The following MANBAL variants were observed in gnomAD, a reference collection of about 807,000 sequenced individuals.
MANBAL encodes protein MANBAL.
Under a neutral mutation model 6.4 loss-of-function variants are expected in MANBAL, and 1 was observed. That is an observed-to-expected ratio of 0.16 (90% CI 0.06 to 0.74). The LOEUF (loss-of-function observed/expected upper bound fraction) is 0.74, where lower values mean the gene tolerates loss of function less well. MANBAL is among the 30% of genes least tolerant of loss of function. MANBAL has a pLI of 0.78. For missense variants in MANBAL, 100 were observed against 107.8 expected (o/e 0.93, Z 0.32); for synonymous variants, 47 against 45.8 (o/e 1.03, Z -0.10).
intron 1 of MANBAL, among the ~76,000 whole-genome samples, chr20:37,299,397 A>G (rs1047323081): frequency 6.6e-6 from 1 of 152,192 alleles, no homozygotes; most frequent in South Asian, 2.1e-4. Context: ...AATCAATATG[A>G]AAACATTATG....
intron 1 of MANBAL, among the ~76,000 whole-genome samples, chr20:37,294,120 A>G (rs1018328224): frequency 1.3e-5 from 2 of 152,224 alleles, no homozygotes; most frequent in Non-Finnish European, 2.9e-5. Context: ...TGCATACATT[A>G]AACTTTACTC....
chr20:37,312,684 G>A (rs967472494), intron 2 of MANBAL, among the ~76,000 whole-genome samples: 4 of 152,148 alleles, frequency 2.6e-5, no homozygotes, highest in African/African-American at 9.7e-5. Context: ...GCCCAGGCTG[G>A]AGTGTAGTAG....
rs1303997491 is a variant in MANBAL at position 37,317,197 on chromosome 20, C to A, written c.*782C>A. 6.5e-6 allele frequency: 1 copy of A among 152,688 alleles called. No individual in the cohort carries two copies. The highest frequency in any genetic ancestry group is 1.5e-5 in the Non-Finnish European group (1 of 68,088). The allele number at this position is 152,688 out of a possible 1,614,324, so 9.5% of individuals were successfully genotyped here. On this transcript the variant is annotated 3_prime_UTR_variant, in exon 3 of 3. Transcript: ENST00000373606. ...CCCCCATCCCTTCAATTCTTTCATTCCCTGACCAGTGAGAGGGTTCCTGGG... is the reference window on the plus strand; with the variant it reads ...CCCCCATCCCTTCAATTCTTTCATTACCTGACCAGTGAGAGGGTTCCTGGG...
At chr20:37,296,070 A>G (rs1267474803) in intron 1 of MANBAL, among the ~76,000 whole-genome samples, 1 of 152,234 alleles carries the variant, frequency 6.6e-6, no homozygotes, top group Non-Finnish European at 1.5e-5. Context: ...TGTGCTGTCC[A>G]GTAGGGAACC....
intron 1 of MANBAL, among the ~76,000 whole-genome samples, chr20:37,299,800 C>T (rs2069090563): frequency 6.6e-6 from 1 of 152,212 alleles, no homozygotes; most frequent in Admixed American, 6.5e-5. Context: ...CAAGCAGTCA[C>T]AGTGGGAAAG....
intron 1 of MANBAL, among the ~76,000 whole-genome samples, chr20:37,292,046 ATC>A (rs1398964723): frequency 6.6e-6 from 1 of 152,188 alleles, no homozygotes; most frequent in Non-Finnish European, 1.5e-5. Context: ...CATTGTTGAC[ATC>A]TGTTAGCTTG....
At chr20:37,314,779 G>A (rs573138152) in intron 2 of MANBAL, among the ~76,000 whole-genome samples, 130 of 152,322 alleles carry the variant, frequency 8.5e-4, no homozygotes, top group South Asian at 1.7e-3. Context: ...GGGAGACGAT[G>A]TTGGCCGATA....
intron 2 of MANBAL, among the ~76,000 whole-genome samples, chr20:37,307,958 G>A (rs1443446009): frequency 1.3e-5 from 2 of 152,158 alleles, no homozygotes; most frequent in East Asian, 3.9e-4. Flanking sequence ...CAGGAGCGCC[G>A]CAGGGCCTCC....
chr20:37,314,229 G>T (rs1424763205), intron 2 of MANBAL, among the ~76,000 whole-genome samples: 1 of 152,110 alleles, frequency 6.6e-6, no homozygotes, highest in Admixed American at 6.5e-5. Flanking sequence ...AGAGGGTGAG[G>T]TTACCGGGTC....
At chr20:37,305,336 A>G (rs538377892) in intron 2 of MANBAL, among the ~76,000 whole-genome samples, 2 of 152,076 alleles carry the variant, frequency 1.3e-5, no homozygotes, top group South Asian at 2.1e-4. Flanking sequence ...GAGAGCAGGG[A>G]GGCTGCTCAC....
At chr20:37,299,042 A>T (rs1298314541) in intron 1 of MANBAL, among the ~76,000 whole-genome samples, 1 of 148,898 alleles carries the variant, frequency 6.7e-6, no homozygotes, top group Non-Finnish European at 1.5e-5. Flanking sequence ...ATGCCCAGCC[A>T]ATTATTTTTT....
At chr20:37,301,920 A>G (rs2069146146) in intron 2 of MANBAL, among the ~76,000 whole-genome samples, 1 of 152,228 alleles carries the variant, frequency 6.6e-6, no homozygotes, top group African/African-American at 2.4e-5. Context: ...AAGGGACTCA[A>G]TAAAGGAAGG....
At chr20:37,315,468 GTCCCTTCCCTGGAGTC>G (rs2069488724) in intron 2 of MANBAL, among the ~76,000 whole-genome samples, 1 of 152,212 alleles carries the variant, frequency 6.6e-6, no homozygotes, top group Non-Finnish European at 1.5e-5. Flanking sequence ...GCCAAGCTGT[GTCCCTTCCCTGGAGTC>G]TCCCTTCCTT....
At chr20:37,314,047 A>C (rs1048998395) in intron 2 of MANBAL, among the ~76,000 whole-genome samples, 1 of 152,204 alleles carries the variant, frequency 6.6e-6, no homozygotes, top group Non-Finnish European at 1.5e-5. Flanking sequence ...CCTGCACTTT[A>C]GAATAGTTCC....
At chr20:37,305,727 A>G (rs1266540677) in intron 2 of MANBAL, among the ~76,000 whole-genome samples, 1 of 149,768 alleles carries the variant, frequency 6.7e-6, no homozygotes, top group African/African-American at 2.5e-5. Context: ...GCAAAAAAAT[A>G]CAGTACTGTT....
At chr20:37,311,183 G>A (rs1392347844) in intron 2 of MANBAL, among the ~76,000 whole-genome samples, 23 of 152,228 alleles carry the variant, frequency 1.5e-4, no homozygotes, top group Admixed American at 1.3e-3. Context: ...CTAAGTGTGC[G>A]TTCTCATCTT....
intron 2 of MANBAL, among the ~76,000 whole-genome samples, chr20:37,301,738 A>T (rs1028879326): frequency 1.3e-5 from 2 of 152,244 alleles, no homozygotes; most frequent in Non-Finnish European, 2.9e-5. Flanking sequence ...AGAAGTACAG[A>T]GTCCAGTGAG....
Position 37,294,430 on chromosome 20 carries a change from C to T in MANBAL, c.-57+4744C>T, listed in dbSNP as rs73295448. Among the ~76,000 whole-genome samples the T allele has an allele frequency of 5.2e-3, 787 of 152,356 alleles. 10 individuals are homozygous for T. Among genetic ancestry groups the T allele is most frequent in the African/African-American group, 0.018 (761 of 41,576 alleles). ...TTGTCAACAAAGCAGCCAGAGGGAT[C>T]ATTTTGAAATGAGTGAGACCATGTG... On this transcript the variant is annotated intron_variant, in intron 1 of 2. Transcript: ENST00000373606.
chr20:37,313,609 G>A (rs1490928956), intron 2 of MANBAL, among the ~76,000 whole-genome samples: 1 of 151,990 alleles, frequency 6.6e-6, no homozygotes, highest in East Asian at 1.9e-4. Flanking sequence ...AGGAGGCTGA[G>A]GCAGGAGAAT....
Sources: allele counts gnomAD v4.1 joint callset (sites outside exome capture counted in the v4.1 genomes callset), GRCh38; gene constraint gnomAD v4.1.1; transcripts MANE v1.5; gene names NCBI Gene and HGNC (gene_info 2026-07-23, HGNC 2026-07-21).